The following PCDHA5 variants were observed in gnomAD, a reference collection of about 807,000 sequenced individuals.
The protein encoded by PCDHA5 is protocadherin alpha 5, also known as protocadherin alpha-5.
A neutral mutation model predicts 61.6 loss-of-function variants in PCDHA5; 43 were observed. The observed-to-expected ratio is 0.70, with a 90% CI of 0.55 to 0.90. The LOEUF (loss-of-function observed/expected upper bound fraction) is 0.90. Ranked by LOEUF, PCDHA5 falls within the 40% of genes least tolerant of loss-of-function variation. The pLI is 0.00. For missense variants in PCDHA5, 1,298 were observed against 1,222.7 expected (o/e 1.06, Z -0.92); for synonymous variants, 627 against 543.9 (o/e 1.15, Z -2.13).
Position 141,001,288 on chromosome 5 carries a change from C to T in PCDHA5, c.2501-8339C>T, listed in dbSNP as rs147786395. 2.9e-3 allele frequency among the ~76,000 whole-genome samples: 438 copies of T among 152,218 alleles called. 7 individuals are homozygous for T. The East Asian group carries it at 0.044, about 15-fold the overall frequency. ...TATGAACTTTTTTTACGGATGAAAACTGAGGCCCAGAGATATGAAATAATT... is the reference window on the plus strand; with the variant it reads ...TATGAACTTTTTTTACGGATGAAAATTGAGGCCCAGAGATATGAAATAATT... On this transcript the variant is annotated intron_variant, in intron 3 of 3. Transcript: ENST00000529859.
intron 1 of PCDHA5, chr5:140,852,541 G>T: frequency 3.7e-6 from 2 of 544,548 alleles, no homozygotes; most frequent in Middle Eastern, 9.4e-4. Context: ...CTCCCAAAGT[G>T]CTGGGATTAA....
At chr5:140,837,745 T>C (rs1305157984) in intron 1 of PCDHA5, among the ~76,000 whole-genome samples, 1 of 151,794 alleles carries the variant, frequency 6.6e-6, no homozygotes, top group East Asian at 1.9e-4. Context: ...GGTGGGATTA[T>C]AGCCCACTGC....
At chr5:140,877,041 A>G (rs782570873) in intron 1 of PCDHA5, 15 of 1,612,586 alleles carry the variant, frequency 9.3e-6, no homozygotes, top group African/African-American at 4.0e-5. Context: ...TGCAGCCGCT[A>G]GACCACGAGG....
intron 1 of PCDHA5, chr5:140,834,421 A>G (rs1772980972): frequency 6.2e-7 from 1 of 1,612,030 alleles, no homozygotes; most frequent in Non-Finnish European, 8.5e-7. Flanking sequence ...GGGGGCCGAC[A>G]TCTACTGCTG....
intron 1 of PCDHA5, among the ~76,000 whole-genome samples, chr5:140,919,795 A>T (rs1554199259): frequency 6.6e-6 from 1 of 152,070 alleles, no homozygotes; most frequent in Non-Finnish European, 1.5e-5. Flanking sequence ...CTTGTGGTGG[A>T]TTGAATTGTG....
At chr5:141,006,058 G>T (rs1002161598) in intron 3 of PCDHA5, among the ~76,000 whole-genome samples, 2 of 149,786 alleles carry the variant, frequency 1.3e-5, no homozygotes, top group Non-Finnish European at 3.0e-5. Flanking sequence ...GAGTGGAGAA[G>T]AAATAAAAAT....
chr5:140,850,861 C>A, intron 1 of PCDHA5: 2 of 1,592,808 alleles, frequency 1.3e-6, no homozygotes, highest in Admixed American at 3.4e-5. Flanking sequence ...ACGGGAGAAC[C>A]CTCTGCTTCC....
intron 1 of PCDHA5, chr5:140,875,344 A>G: frequency 1.4e-6 from 2 of 1,442,996 alleles, no homozygotes; most frequent in East Asian, 2.5e-5. Context: ...TCGACTCCAT[A>G]ATGACTGTGA....
intron 1 of PCDHA5, among the ~76,000 whole-genome samples, chr5:140,977,260 T>C (rs2096752693): frequency 6.6e-6 from 1 of 152,226 alleles, no homozygotes. Flanking sequence ...TCTCAGCAGA[T>C]GTTACAGTCT....
intron 1 of PCDHA5, chr5:140,860,800 C>A (rs1270356784): frequency 1.3e-5 from 2 of 152,198 alleles, no homozygotes; most frequent in Non-Finnish European, 2.9e-5. Context: ...TGCAGTGGCA[C>A]GATCTCGGCT....
chr5:140,928,426 T>G (rs1563104997), intron 1 of PCDHA5: 2 of 1,614,134 alleles, frequency 1.2e-6, no homozygotes, highest in Non-Finnish European at 1.7e-6. Context: ...TGCCAAAACT[T>G]CCTTTGACTT....
At chr5:140,824,354 T>C (rs1554129867) in intron 1 of PCDHA5, 1 of 580,246 alleles carries the variant, frequency 1.7e-6, no homozygotes, top group African/African-American at 1.9e-5. Flanking sequence ...AATAATATTT[T>C]ATATTAGCAT....
At chr5:140,883,365 G>A in intron 1 of PCDHA5, 1 of 1,614,148 alleles carries the variant, frequency 6.2e-7, no homozygotes, top group Non-Finnish European at 8.5e-7. Context: ...ACTCAGCCTA[G>A]CGCCATTATT....
At chr5:140,987,588 A>G (rs1479484790) in intron 3 of PCDHA5, among the ~76,000 whole-genome samples, 1 of 152,220 alleles carries the variant, frequency 6.6e-6, no homozygotes, top group Non-Finnish European at 1.5e-5. Flanking sequence ...TGGGGAGAAT[A>G]GTGGTGTCTA....
chr5:140,842,051 CAGTCTGAATACGAA>C (rs1777673706), intron 1 of PCDHA5: 1 of 1,613,852 alleles, frequency 6.2e-7, no homozygotes, highest in African/African-American at 1.3e-5. Context: ...CACTTTCGAA[CAGTCTGAATACGAA>C]GTAAGAATAT....
intron 1 of PCDHA5, chr5:140,835,718 G>T (rs2150242992): frequency 1.9e-6 from 3 of 1,613,908 alleles, no homozygotes; most frequent in South Asian, 1.1e-5. Context: ...CCGTGGAGGT[G>T]GCCGACGTGA....
intron 1 of PCDHA5, chr5:140,871,720 TA>T: frequency 1.3e-6 from 1 of 767,368 alleles, no homozygotes; most frequent in Non-Finnish European, 2.0e-6. Flanking sequence ...CTATTTCTCT[TA>T]ATATTTGGTT....
rs2150164384 is a variant in PCDHA5 at position 140,829,233 on chromosome 5, C to G, written c.2352+5106C>G. On this transcript the variant is annotated intron_variant, in intron 1 of 3. Transcript: ENST00000529859. The stretch of plus-strand genomic sequence containing the variant: ...AGCGTGAACGACCTCGATTCAGGTG[C>G]CAACGGGCAGGTGAACTGCTCGCTG... The G allele has an allele frequency of 3.1e-6, 5 of 1,614,254 alleles. No individual in the cohort carries two copies. In the Admixed American group the frequency reaches 8.3e-5, roughly 27 times the overall value.
chr5:140,834,671 C>T (rs142482863), intron 1 of PCDHA5: 2 of 1,614,216 alleles, frequency 1.2e-6, no homozygotes, highest in Non-Finnish European at 1.7e-6. Flanking sequence ...AGGAGCTGTG[C>T]GGGCGGAGCG....
Sources: gnomAD v4.1 joint callset for allele counts (sites outside exome capture counted in the v4.1 genomes callset) on GRCh38, gnomAD v4.1.1 for gene constraint, MANE v1.5 for transcripts, NCBI Gene and HGNC (gene_info 2026-07-23, HGNC 2026-07-21) for gene names.